XXYLT1: variants seen among roughly 807,000 people sequenced by gnomAD.
XXYLT1 encodes UDP-xylose:alpha-xyloside alpha-1,3-xylosyltransferase.
Under a neutral mutation model 28.9 loss-of-function variants are expected in XXYLT1, and 20 were observed. That is an observed-to-expected ratio of 0.69 (90% CI 0.49 to 1.00). XXYLT1 has a LOEUF of 1.00. Among genes scored for constraint, XXYLT1 ranks in the 50% least tolerant of loss-of-function variants. The pLI is 0.00. For synonymous variants in XXYLT1, 257 were observed against 253.8 expected (o/e 1.01, Z -0.12); for missense variants, 542 against 560.1 (o/e 0.97, Z 0.33).
At chr3:195,099,504 T>A (rs1002429392) in intron 3 of XXYLT1, among the ~76,000 whole-genome samples, 5 of 152,200 alleles carry the variant, frequency 3.3e-5, no homozygotes, top group Non-Finnish European at 7.3e-5. Context: ...CTGTGCAAGT[T>A]AGCAAAGACA....
Position 195,259,862 on chromosome 3 carries a change from G to T in XXYLT1, c.504+10693C>A, listed in dbSNP as rs1725618688. 2.0e-5 allele frequency among the ~76,000 whole-genome samples: 3 copies of T among 152,206 alleles called. No individual in the cohort carries two copies. In the South Asian group the frequency reaches 6.2e-4, roughly 31 times the overall value. ...GGCCCGCCGGGTGTGACGGGGACCG[G>T]GCGGACTGGAAAGGATGTGGCTGGG... is the stretch of plus-strand genomic sequence containing the variant. On this transcript the variant is annotated intron_variant, in intron 1 of 3. Coordinates refer to ENST00000310380, the MANE Select transcript of XXYLT1 (RefSeq NM_152531.5).
At chr3:195,096,732 C>T (rs1716468299) in intron 3 of XXYLT1, among the ~76,000 whole-genome samples, 1 of 152,142 alleles carries the variant, frequency 6.6e-6, no homozygotes, top group Admixed American at 6.5e-5. Context: ...TTTCAACTGG[C>T]AATTAAAATC....
At position 195,156,346 on chromosome 3, in the gene XXYLT1, G is replaced by A; in HGVS notation, c.785+103C>T. 4 of 1,528,072 alleles carry A rather than the reference G, an allele frequency of 2.6e-6. No homozygotes were observed. In the South Asian group the frequency reaches 3.8e-5, roughly 14 times the overall value. The allele number at this position is 1,528,072 out of a possible 1,614,324, so 94.7% of individuals were successfully genotyped here. A position where few individuals can be genotyped will look rare whatever the true frequency, so the allele number is the denominator to read the frequency against. On this transcript the variant is annotated intron_variant, in intron 3 of 3. Transcript: ENST00000310380. ...TGTTCCCAAGATACTAAGTGCAGAA[G>A]GATCGGACGCCACTAAATCCCAATC...
intron 1 of XXYLT1, among the ~76,000 whole-genome samples, chr3:195,250,003 C>T (rs970873128): frequency 6.6e-6 from 1 of 152,190 alleles, no homozygotes; most frequent in East Asian, 1.9e-4. Context: ...ACTCTCCACA[C>T]GGAGGCCAGA....
intron 2 of XXYLT1, among the ~76,000 whole-genome samples, chr3:195,161,767 G>A (rs547062262): frequency 1.3e-4 from 20 of 151,136 alleles, no homozygotes; most frequent in South Asian, 8.4e-4. Flanking sequence ...CCTGAGGCAC[G>A]CCACCATACC....
chr3:195,181,529 T>G (rs1721954650), intron 2 of XXYLT1, among the ~76,000 whole-genome samples: 1 of 152,240 alleles, frequency 6.6e-6, no homozygotes, highest in Admixed American at 6.5e-5. Context: ...CAGGTAACAC[T>G]GCTTGAGTGC....
chr3:195,221,629 C>G (rs1437984124), intron 2 of XXYLT1, among the ~76,000 whole-genome samples: 2 of 152,202 alleles, frequency 1.3e-5, no homozygotes, highest in South Asian at 4.1e-4. Flanking sequence ...CTAGCACAGC[C>G]CATACTGCTG....
chr3:195,143,853 TAG>T (rs59177623), intron 3 of XXYLT1, among the ~76,000 whole-genome samples: 11,782 of 110,122 alleles, frequency 0.11, 1,257 homozygotes, highest in East Asian at 0.43. Context: ...GATATATATA[TAG>T]ATATATATAG....
Position 195,076,615 on chromosome 3 carries a change from T to C in XXYLT1, c.786-6504A>G, listed in dbSNP as rs976342866. On this transcript the variant is annotated intron_variant, in intron 3 of 3. Coordinates refer to ENST00000310380, the MANE Select transcript of XXYLT1 (RefSeq NM_152531.5). The surrounding 1 kb of genome is among the most constrained non-coding windows in gnomAD (Gnocchi z 5.3). ...GGCGGCTTCAGCAGCAGAAAGGTGC[T>C]GCCTCTCCGTTCGGCGGGCTGGAAG... Among the ~76,000 whole-genome samples, 1 of 152,166 alleles carries C rather than the reference T, an allele frequency of 6.6e-6. No individual in the cohort carries two copies. Among genetic ancestry groups the C allele is most frequent in the African/African-American group, 2.4e-5 (1 of 41,432 alleles).
rs1277215744 is a variant in XXYLT1 at position 195,076,046 on chromosome 3, T to C, written c.786-5935A>G. Among the ~76,000 whole-genome samples the C allele has an allele frequency of 6.6e-6, 1 of 151,932 alleles. No individual in the cohort carries two copies. The highest frequency in any genetic ancestry group is 1.5e-5 in the Non-Finnish European group (1 of 67,958). ...CCAACATGAGCCACAGCTCCTCCCC[T>C]CCAGAAAGAACCAGCACCACGGCCT... On this transcript the variant is annotated intron_variant, in intron 3 of 3. Transcript: ENST00000310380. The surrounding 1 kb of genome is among the most constrained non-coding windows in gnomAD (Gnocchi z 5.3).
chr3:195,105,854 G>A (rs1201338364), intron 3 of XXYLT1, among the ~76,000 whole-genome samples: 2 of 152,178 alleles, frequency 1.3e-5, no homozygotes, highest in Non-Finnish European at 2.9e-5. Flanking sequence ...CTTTCCTGGT[G>A]ACGTTTCCAG....
At chr3:195,268,928 A>G (rs985521230) in intron 1 of XXYLT1, among the ~76,000 whole-genome samples, 1 of 152,228 alleles carries the variant, frequency 6.6e-6, no homozygotes, top group East Asian at 1.9e-4. Context: ...ATGATAAGAC[A>G]TGATACAGTC....
intron 1 of XXYLT1, among the ~76,000 whole-genome samples, chr3:195,266,206 A>G (rs1725844611): frequency 1.3e-5 from 2 of 152,184 alleles, no homozygotes; most frequent in African/African-American, 2.4e-5. Context: ...CAATAAAGGC[A>G]GCATTCTGGC....
intron 1 of XXYLT1, among the ~76,000 whole-genome samples, chr3:195,241,109 G>A (rs1199288241): frequency 2.6e-5 from 4 of 152,186 alleles, no homozygotes; most frequent in South Asian, 2.1e-4. Context: ...CACCAAGGCC[G>A]ACCTGAAGAA....
intron 2 of XXYLT1, among the ~76,000 whole-genome samples, chr3:195,219,834 C>T (rs1723742614): frequency 6.6e-6 from 1 of 152,200 alleles, no homozygotes; most frequent in Non-Finnish European, 1.5e-5. Flanking sequence ...TGGATGGGGC[C>T]ACCCCAATTT....
At chr3:195,260,284 G>A (rs1725644996) in intron 1 of XXYLT1, among the ~76,000 whole-genome samples, 1 of 151,526 alleles carries the variant, frequency 6.6e-6, no homozygotes, top group Admixed American at 6.6e-5. Flanking sequence ...CGCCGCGGAG[G>A]AGGGGCCAGC....
chr3:195,100,710 A>C (rs1010414042), intron 3 of XXYLT1, among the ~76,000 whole-genome samples: 1 of 152,024 alleles, frequency 6.6e-6, no homozygotes, highest in African/African-American at 2.4e-5. Context: ...ACTTCTTGTC[A>C]CGAAAACCCA....
chr3:195,238,767 T>C (rs1577184149), intron 1 of XXYLT1, among the ~76,000 whole-genome samples: 1 of 152,140 alleles, frequency 6.6e-6, no homozygotes, highest in African/African-American at 2.4e-5. Flanking sequence ...CAGTTTTCAC[T>C]CCTAAGCCAG....
rs1029357202 is a variant in XXYLT1, at chr3:195,256,963, C to T, written c.504+13592G>A. ...CCTTGTACCTCCCAAGGGCCAGCAT[C>T]AGCATTTCTTCATGGTAATGCAAGG... is the stretch of plus-strand genomic sequence containing the variant. On this transcript the variant is annotated intron_variant, in intron 1 of 3. Transcript: ENST00000310380. This position sits in a 1 kb window ranked among gnomAD's most constrained non-coding sequence, Gnocchi z 4.2. Among the ~76,000 whole-genome samples, 4 of 152,178 alleles carry T rather than the reference C, an allele frequency of 2.6e-5. No homozygotes were observed. Among genetic ancestry groups the T allele is most frequent in the African/African-American group, 9.7e-5 (4 of 41,432 alleles).
Sources: gnomAD v4.1 joint callset for allele counts (sites outside exome capture counted in the v4.1 genomes callset) on GRCh38, gnomAD v4.1.1 for gene constraint, Gnocchi (gnomAD v3.1) non-coding constraint, MANE v1.5 for transcripts, NCBI Gene and HGNC (gene_info 2026-07-23, HGNC 2026-07-21) for gene names.